PDE1C: variants seen among roughly 807,000 people sequenced by gnomAD.
The protein encoded by PDE1C is phosphodiesterase 1C, also known as dual specificity calcium/calmodulin-dependent 3',5'-cyclic nucleotide phosphodiesterase 1C.
PDE1C carries 62 observed loss-of-function variants against 93.1 expected under a neutral mutation model. The ratio of observed to expected loss-of-function variants is 0.67; its 90% confidence interval spans 0.54 to 0.82. The LOEUF is 0.82. Among genes scored for constraint, PDE1C ranks in the 40% least tolerant of loss-of-function variants. The probability of loss-of-function intolerance (pLI) is 0.00; values close to 1 mark genes in which losing one functional copy is unlikely to be tolerated. For synonymous variants in PDE1C, 325 were observed against 310.1 expected, an observed-to-expected ratio of 1.05 and a Z score of -0.50; for missense variants, 742 against 884.6, an observed-to-expected ratio of 0.84 and a Z score of 2.04.
intron 1 of PDE1C, among the ~76,000 whole-genome samples, chr7:32,392,413 A>G (rs879895897): frequency 6.6e-6 from 1 of 152,212 alleles, no homozygotes; most frequent in African/African-American, 2.4e-5. Context: ...AAAACAGAAT[A>G]TGGGAAGAGG....
At chr7:31,915,842 T>A (rs958731306) in intron 2 of PDE1C, among the ~76,000 whole-genome samples, 20 of 152,134 alleles carry the variant, frequency 1.3e-4, no homozygotes, top group African/African-American at 4.8e-4. Context: ...CCTTTGAAAA[T>A]GAAAACCCAA....
chr7:32,155,728 C>G (rs554000490), intron 3 of PDE1C, among the ~76,000 whole-genome samples: 1 of 152,246 alleles, frequency 6.6e-6, no homozygotes, highest in African/African-American at 2.4e-5. Context: ...CACAGGTAGC[C>G]CCTGAGGGAA....
chr7:32,006,789 A>G (rs895426943), intron 2 of PDE1C, among the ~76,000 whole-genome samples: 2 of 152,246 alleles, frequency 1.3e-5, no homozygotes, highest in African/African-American at 4.8e-5. Flanking sequence ...ATTGTGGCCC[A>G]TGAAGCCACC....
At chr7:31,871,917 C>G (rs141159630) in intron 6 of PDE1C, among the ~76,000 whole-genome samples, 3 of 152,154 alleles carry the variant, frequency 2.0e-5, no homozygotes, top group African/African-American at 7.2e-5. Flanking sequence ...AAAGAGATAT[C>G]TGCACCCTCA....
At chr7:31,681,925 C>G in the PDE1C span, among the ~76,000 whole-genome samples, 5 of 152,294 alleles carry the variant, frequency 3.3e-5, no homozygotes, top group Non-Finnish European at 7.4e-5. Flanking sequence ...CCTCTTGTGT[C>G]TTTTTGAAAG....
the PDE1C span, chr7:31,658,546 C>A: frequency 3.7e-5 from 17 of 462,114 alleles, no homozygotes; most frequent in Non-Finnish European, 1.4e-5. Flanking sequence ...GGGTTGCATA[C>A]GTAATTTCAA....
chr7:32,112,840 G>GTA (rs1563322964), intron 3 of PDE1C, among the ~76,000 whole-genome samples: 28 of 53,658 alleles, frequency 5.2e-4, no homozygotes, highest in Non-Finnish European at 1.1e-4. Context: ...GTGTGTGTGT[G>GTA]TGTGTGTATA....
At chr7:32,070,504 G>C, upstream of PDE1C, 1 of 1,533,176 alleles carries the variant, frequency 6.5e-7, no homozygotes, top group South Asian at 1.3e-5. Context: ...GCGTTTGCCC[G>C]GCACTTTCTC....
chr7:31,995,692 G>T (rs1584374430), intron 2 of PDE1C, among the ~76,000 whole-genome samples: 1 of 152,176 alleles, frequency 6.6e-6, no homozygotes, highest in East Asian at 1.9e-4. Flanking sequence ...ATTCCCCAAA[G>T]AACCTAGAAG....
chr7:31,820,720 C>A (rs1788852649), intron 14 of PDE1C: 1 of 152,102 alleles, frequency 6.6e-6, no homozygotes, highest in Non-Finnish European at 1.5e-5. Flanking sequence ...TAATTAGCAC[C>A]AGTCAACCAG....
intron 2 of PDE1C, among the ~76,000 whole-genome samples, chr7:32,205,637 C>T (rs542256337): frequency 2.6e-5 from 4 of 152,174 alleles, no homozygotes; most frequent in Admixed American, 2.0e-4. Flanking sequence ...TGCTTGTGCC[C>T]TGCAGAAGCT....
chr7:32,356,792 T>C (rs1323637505), intron 1 of PDE1C, among the ~76,000 whole-genome samples: 1 of 152,252 alleles, frequency 6.6e-6, no homozygotes, highest in Non-Finnish European at 1.5e-5. Context: ...GTGCTTTTCA[T>C]ACATACAACT....
At chr7:32,247,715 G>A (rs1274454945) in intron 1 of PDE1C, among the ~76,000 whole-genome samples, 6 of 152,166 alleles carry the variant, frequency 3.9e-5, no homozygotes, top group Non-Finnish European at 1.5e-5. Context: ...TTATAAAATA[G>A]GCTTCGGTTT....
At chr7:31,969,994 G>A (rs1401448280) in intron 2 of PDE1C, among the ~76,000 whole-genome samples, 1 of 152,114 alleles carries the variant, frequency 6.6e-6, no homozygotes, top group African/African-American at 2.4e-5. Context: ...GACTGTTGTG[G>A]GGTTGGGGGA....
intron 1 of PDE1C, among the ~76,000 whole-genome samples, chr7:32,230,638 T>C (rs569288954): frequency 1.2e-4 from 19 of 152,252 alleles, no homozygotes; most frequent in East Asian, 1.9e-4. Flanking sequence ...TTTAGGTGCA[T>C]TGAATGAAAA....
intron 2 of PDE1C, among the ~76,000 whole-genome samples, chr7:32,016,499 G>A (rs1295543754): frequency 6.6e-6 from 1 of 152,082 alleles, no homozygotes; most frequent in Non-Finnish European, 1.5e-5. Flanking sequence ...TCTTCTAGAG[G>A]AATTTTTTCT....
At chr7:31,654,324 G>C in the PDE1C span, among the ~76,000 whole-genome samples, 2 of 152,178 alleles carry the variant, frequency 1.3e-5, no homozygotes, top group African/African-American at 2.4e-5. Flanking sequence ...AGCCAGTGCT[G>C]CTCAGTGCGG....
At chr7:32,412,745 G>T (rs1785197407) in intron 1 of PDE1C, among the ~76,000 whole-genome samples, 1 of 152,126 alleles carries the variant, frequency 6.6e-6, no homozygotes, top group Non-Finnish European at 1.5e-5. Flanking sequence ...GTCATACAAT[G>T]AAATATTGCT....
intron 3 of PDE1C, among the ~76,000 whole-genome samples, chr7:32,139,248 G>A (rs191372319): frequency 2.0e-4 from 29 of 146,526 alleles, no homozygotes; most frequent in South Asian, 4.4e-4. Flanking sequence ...TGATCCTCCC[G>A]CCTCAGCCTC....
Sources: gnomAD v4.1 joint callset for allele counts (sites outside exome capture counted in the v4.1 genomes callset) on GRCh38, gnomAD v4.1.1 for gene constraint, MANE v1.5 for transcripts, NCBI Gene and HGNC (gene_info 2026-07-23, HGNC 2026-07-21) for gene names.